TTLL4: variants seen among roughly 807,000 people sequenced by gnomAD.
TTLL4 encodes tubulin tyrosine ligase like 4, also known as tubulin monoglutamylase TTLL4.
In TTLL4, 85 loss-of-function variants were observed where a neutral mutation model predicts 122.7. The ratio of observed to expected loss-of-function variants is 0.69; its 90% CI spans 0.58 to 0.83. The LOEUF (loss-of-function observed/expected upper bound fraction) is 0.83. Ranked by LOEUF, TTLL4 falls within the 40% of genes least tolerant of loss-of-function variation. The pLI, the probability that TTLL4 is intolerant of heterozygous loss-of-function variation, is 0.00. For missense variants in TTLL4, 1,363 were observed against 1,488.6 expected (o/e 0.92, Z 1.39); for synonymous variants, 553 against 563.0 (o/e 0.98, Z 0.25).
chr2:218,736,682 G>A (rs776884341), intron 2 of TTLL4, among the ~76,000 whole-genome samples: 7 of 152,112 alleles, frequency 4.6e-5, no homozygotes, highest in Non-Finnish European at 7.4e-5. Flanking sequence ...TGTATAGTTA[G>A]CAGAGATGAA....
chr2:218,745,236 AAACCTGGCC>A lies in TTLL4; in HGVS notation c.1786+6_1786+14del, dbSNP rs1293207709. ...TTTTGGCACTCGGGATGAGAGAGGTAAACCTGGCCAAGTGTCAAAGCCCAGAAGAGCCCC... is the reference window on the plus strand; with the variant it reads ...TTTTGGCACTCGGGATGAGAGAGGTAAAGTGTCAAAGCCCAGAAGAGCCCC... On this transcript the variant is annotated splice_donor_5th_base_variant and intron_variant, in intron 6 of 19. Coordinates refer to ENST00000392102, the MANE Select transcript of TTLL4 (RefSeq NM_014640.5). 1 of 1,613,964 alleles carries A rather than the reference AAACCTGGCC, an allele frequency of 6.2e-7. No individual in the cohort carries two copies. The highest frequency in any genetic ancestry group is 1.7e-5 in the Admixed American group (1 of 60,022).
rs755611985 is a variant in TTLL4 at position 218,754,217 on chromosome 2, C to G, written c.3428C>G (p.Ser1143Cys). 4 of 1,614,096 alleles carry G rather than the reference C, an allele frequency of 2.5e-6. No individual in the cohort carries two copies. The African/African-American group carries it at 4.0e-5, about 16-fold the overall frequency. The change falls in exon 20 of 20, where the codon TCC becomes TGC. Residue 1143 changes from serine (S) to cysteine (C), a missense_variant. By Grantham distance (112) the Ser-to-Cys change is moderately radical. Transcript: ENST00000392102. ...PKSKKTQAGL[S>C]PYPQKPSSSK... The stretch of plus-strand genomic sequence containing the variant: ...TCCAAGAAGACTCAAGCTGGCCTTT[C>G]CCCTTATCCCCAGAAACCCAGTTCC...
At chr2:218,749,776 T>G (rs1057209888) in intron 14 of TTLL4, among the ~76,000 whole-genome samples, 1 of 152,132 alleles carries the variant, frequency 6.6e-6, no homozygotes, top group African/African-American at 2.4e-5. Context: ...CAGTTGTTCT[T>G]TTTAAGTGGA....
Position 218,738,984 on chromosome 2 carries a change from C to G in TTLL4, c.1308C>G (p.Ala436=), listed in dbSNP as rs750020078. The G allele has an allele frequency of 3.1e-6, 5 of 1,614,214 alleles. No individual in the cohort carries two copies. In the Admixed American group the frequency reaches 8.3e-5, roughly 27 times the overall value. Reference sequence around the variant, plus strand: ...CCAGTGGGCTCAATCACAACCCTGCCTGTGAATCTGTAATTGACTCCTCAG... The same window carrying G: ...CCAGTGGGCTCAATCACAACCCTGCGTGTGAATCTGTAATTGACTCCTCAG... ...SHASGLNHNP[A]CESVIDSSAF... is the part of the protein sequence containing the mutation. The change falls in exon 3 of 20, where the codon GCC becomes GCG. Residue 436 remains alanine (A), a synonymous_variant. Coordinates refer to ENST00000392102, the MANE Select transcript of TTLL4 (RefSeq NM_014640.5).
downstream of TTLL4, among the ~76,000 whole-genome samples, chr2:218,758,945 A>G (rs1943195355): frequency 6.6e-6 from 1 of 152,224 alleles, no homozygotes; most frequent in Admixed American, 6.5e-5. Context: ...ACCCTTAGAT[A>G]TAAAAAAGGA....
Position 218,751,775 on chromosome 2 carries a change from C to T in TTLL4, c.2945C>T (p.Ala982Val), listed in dbSNP as rs373649756. Residue 982 changes from alanine to valine, a missense_variant, in exon 16 of 20, where the codon GCC becomes GTC. Physicochemically the swap from Ala to Val is moderately conservative, Grantham distance 64. Around this residue, in one of 3 missense-constraint regions of TTLL4, gnomAD observed 596 missense variants for 655.8 expected, o/e 0.91. Transcript: ENST00000392102. ...GTCACTGCACAGAAGATGAAGAAAG[C>T]CTATTATCTGACCCAGAAAATTCCT... The part of the protein sequence containing the change: ...EHVTAQKMKK[A>V]YYLTQKIPDQ... 2.9e-5 allele frequency: 47 copies of T among 1,612,888 alleles called. No individual in the cohort carries two copies. The highest frequency in any genetic ancestry group is 1.0e-4 in the Admixed American group (6 of 59,914).
chr2:218,748,403 C>T, intron 12 of TTLL4, 176 bp downstream of exon 12: 1 of 1,077,572 alleles, frequency 9.3e-7, no homozygotes, highest in Non-Finnish European at 1.3e-6. Context: ...GCCTGTAATC[C>T]TAGCACTTTG....
At chr2:218,741,027 C>T (rs538816810) in intron 5 of TTLL4, among the ~76,000 whole-genome samples, 5 of 152,146 alleles carry the variant, frequency 3.3e-5, no homozygotes, top group Admixed American at 1.3e-4. Flanking sequence ...GAGCTGAGAT[C>T]GCGCTGCTGC....
intron 5 of TTLL4, among the ~76,000 whole-genome samples, chr2:218,743,177 CA>C (rs1942750564): frequency 6.6e-6 from 1 of 151,760 alleles, no homozygotes; most frequent in African/African-American, 2.4e-5. Context: ...ACGTTGTCAT[CA>C]CTGTAGGAAT....
At chr2:218,742,018 T>C (rs1942715232) in intron 5 of TTLL4, among the ~76,000 whole-genome samples, 1 of 152,190 alleles carries the variant, frequency 6.6e-6, no homozygotes, top group Admixed American at 6.5e-5. Context: ...TAGAGTGCAG[T>C]GGATCCATCA....
Position 218,753,582 on chromosome 2 carries a change from A to C in TTLL4, c.3259-2A>C, listed in dbSNP as rs906502950. 1.2e-6 allele frequency: 2 copies of C among 1,613,506 alleles called. No individual in the cohort carries two copies. The highest frequency in any genetic ancestry group is 1.3e-5 in the African/African-American group (1 of 74,902). On this transcript the variant is annotated splice_acceptor_variant, in intron 18 of 19. Transcript: ENST00000392102. LOFTEE classifies it high-confidence loss of function. ...TGGTCTCATTGCTTCCTTTGCTCTT[A>C]GTGGTCTCTCCCGACATCACTTCTG...
intron 2 of TTLL4, among the ~76,000 whole-genome samples, chr2:218,736,570 TG>T (rs1942529431): frequency 6.7e-6 from 1 of 149,864 alleles, no homozygotes; most frequent in East Asian, 1.9e-4. Flanking sequence ...TGTCCCAGTA[TG>T]GCTGCTGGAA....
At chr2:218,756,331 G>T (rs1042433643), downstream of TTLL4, among the ~76,000 whole-genome samples, 1 of 152,122 alleles carries the variant, frequency 6.6e-6, no homozygotes, top group African/African-American at 2.4e-5. Flanking sequence ...CTGAATGGGG[G>T]TATTGGGGGA....
At position 218,738,512 on chromosome 2, in the gene TTLL4, C is replaced by G; in HGVS notation, c.836C>G (p.Ala279Gly). 1 of 1,614,182 alleles carries G rather than the reference C, an allele frequency of 6.2e-7. No homozygotes were observed. Among genetic ancestry groups the G allele is most frequent in the Non-Finnish European group, 8.5e-7 (1 of 1,180,046 alleles). ...KVPKSIGTVPADASAHIALST... is the reference protein window; with the variant it reads ...KVPKSIGTVPGDASAHIALST... ...CCCAAAAGCATTGGCACTGTCCCAG[C>G]TGATGCCAGTGCCCATATCGCCTTG... The change falls in exon 3 of 20, where the codon GCT (alanine) becomes GGT (glycine). Residue 279 changes from alanine (A) to glycine (G), a missense_variant. Physicochemically the swap from Ala to Gly is moderately conservative, Grantham distance 60 (BLOSUM62 0). Around this residue, in one of 3 missense-constraint regions of TTLL4, gnomAD observed 760 missense variants for 808.4 expected, o/e 0.94. Coordinates refer to ENST00000392102, the MANE Select transcript of TTLL4 (RefSeq NM_014640.5).
rs1942573081 is a variant in TTLL4 at position 218,737,830 on chromosome 2, A to G, written c.154A>G (p.Ile52Val). 3 of 1,614,236 alleles carry G rather than the reference A, an allele frequency of 1.9e-6. No individual in the cohort carries two copies. The highest frequency in any genetic ancestry group is 2.2e-5 in the East Asian group (1 of 44,868). Reference protein sequence around the residue: ...WPQAHQQVKPIWKLEKKQVET... With the variant: ...WPQAHQQVKPVWKLEKKQVET... ...TCAGGCCCATCAGCAAGTGAAGCCA[A>G]TCTGGAAGCTGGAAAAGAAGCAAGT... Residue 52 changes from isoleucine (I) to valine (V), a missense_variant, in exon 3 of 20, where the codon ATC becomes GTC. Physicochemically the swap from Ile to Val is conservative, Grantham distance 29 (BLOSUM62 3). Around this residue, in one of 3 missense-constraint regions of TTLL4, gnomAD observed 760 missense variants for 808.4 expected, o/e 0.94. Coordinates refer to ENST00000392102, the MANE Select transcript of TTLL4 (RefSeq NM_014640.5).
chr2:218,746,930 G>A, intron 8 of TTLL4, 73 bp from the exon 9 acceptor site: 3 of 1,507,868 alleles, frequency 2.0e-6, no homozygotes, highest in East Asian at 2.3e-5. Flanking sequence ...TGGAATGGTA[G>A]AATGAGTCTT....
At position 218,745,231 on chromosome 2, in the gene TTLL4, G is replaced by T; in HGVS notation, c.1784G>T (p.Arg595Ile). 1 of 1,614,034 alleles carries T rather than the reference G, an allele frequency of 6.2e-7. No individual in the cohort carries two copies. Among genetic ancestry groups the T allele is most frequent in the Non-Finnish European group, 8.5e-7 (1 of 1,179,934 alleles). The change falls in exon 6 of 20, where the codon AGA becomes ATA. Residue 595 changes from arginine to isoleucine, a missense_variant and splice_region_variant. Arg to Ile is a moderately conservative substitution (Grantham distance 97). Transcript: ENST00000392102. The stretch of plus-strand genomic sequence containing the variant: ...ATCTATTTTGGCACTCGGGATGAGA[G>T]AGGTAAACCTGGCCAAGTGTCAAAG... The part of the protein sequence containing the change: ...PTIYFGTRDE[R>I]VEKLPWEQRK...
chr2:218,749,756 C>T (rs529712126), intron 14 of TTLL4, among the ~76,000 whole-genome samples: 3 of 152,320 alleles, frequency 2.0e-5, no homozygotes, highest in Admixed American at 6.5e-5. Context: ...TGTGAGCCAC[C>T]ACGCCCAGCC....
chr2:218,746,592 GT>G (rs1452580234), intron 8 of TTLL4: 1 of 369,852 alleles, frequency 2.7e-6, no homozygotes, highest in African/African-American at 2.0e-5. Flanking sequence ...TGTTTATTAT[GT>G]TTCCCTATGA....
Sources: allele counts gnomAD v4.1 joint callset (sites outside exome capture counted in the v4.1 genomes callset), GRCh38; gene constraint gnomAD v4.1.1; regional missense constraint gnomAD v4.1.1; transcripts MANE v1.5; gene names NCBI Gene and HGNC (gene_info 2026-07-23, HGNC 2026-07-21).